Variants in NCK1 observed in about 807,000 individuals in gnomAD.
The protein encoded by NCK1 is SH2/SH3 adapter protein NCK1.
A neutral mutation model predicts 36.6 loss-of-function variants in NCK1; 19 were observed. The observed-to-expected ratio is 0.52, with a 90% CI of 0.36 to 0.76. The LOEUF (loss-of-function observed/expected upper bound fraction) is 0.76, where lower values mean the gene tolerates loss of function less well. Ranked by LOEUF, NCK1 falls within the 30% of genes least tolerant of loss-of-function variation. The probability of loss-of-function intolerance (pLI) is 0.00; values close to 1 mark genes in which losing one functional copy is unlikely to be tolerated. For synonymous variants in NCK1, 165 were observed against 156.0 expected (o/e 1.06, Z -0.43); for missense variants, 358 against 445.6 (o/e 0.80, Z 1.77).
At chr3:136,914,349 TTCAGGCCCTTTCCC>T (rs1015069689) in intron 1 of NCK1, among the ~76,000 whole-genome samples, 2 of 152,180 alleles carry the variant, frequency 1.3e-5, no homozygotes, top group Non-Finnish European at 2.9e-5. Context: ...GCAGTTTATT[TTCAGGCCCTTTCCC>T]TGGAACTTGC....
intron 1 of NCK1, among the ~76,000 whole-genome samples, chr3:136,876,644 A>C (rs1938781410): frequency 6.6e-6 from 1 of 151,614 alleles, no homozygotes; most frequent in African/African-American, 2.4e-5. Context: ...TCTTTAATAG[A>C]GCTGTTTCTA....
intron 1 of NCK1, among the ~76,000 whole-genome samples, chr3:136,926,588 T>C (rs1576982077): frequency 6.6e-6 from 1 of 152,266 alleles, no homozygotes. Context: ...CTTTTTGTTT[T>C]TTAATGTTAC....
intron 1 of NCK1, among the ~76,000 whole-genome samples, chr3:136,920,224 T>C (rs752025317): frequency 6.6e-6 from 1 of 152,150 alleles, no homozygotes; most frequent in Non-Finnish European, 1.5e-5. Context: ...AAATAAAGGC[T>C]ACTTAAAAAT....
Position 136,945,862 on chromosome 3 carries a change from G to T in NCK1, c.506G>T (p.Gly169Val), listed in dbSNP as rs1940803236. Residue 169 changes from glycine to valine, a missense_variant, in exon 3 of 4, where the codon GGT becomes GTT. By Grantham distance (109) the Gly-to-Val change is moderately radical. Around this residue, in one of 3 missense-constraint regions of NCK1, gnomAD observed 207 missense variants for 253.4 expected, o/e 0.82. Transcript: ENST00000481752. ...ACTGAAGAAGGTGACAGTCCTTTGG[G>T]TGACCATGTGGGTTCTCTGTCAGAG... ...YVTEEGDSPL[G>V]DHVGSLSEKL... is the part of the protein sequence containing the mutation. The T allele has an allele frequency of 1.9e-6, 3 of 1,614,036 alleles. No homozygotes were observed. The highest frequency in any genetic ancestry group is 2.5e-6 in the Non-Finnish European group (3 of 1,180,026).
At chr3:136,945,124 A>G (rs1235397988) in intron 2 of NCK1, among the ~76,000 whole-genome samples, 3 of 152,262 alleles carry the variant, frequency 2.0e-5, no homozygotes, top group East Asian at 1.9e-4. Context: ...TTTATATTGC[A>G]TATCATATTC....
At chr3:136,916,679 A>C (rs1939972605) in intron 1 of NCK1, among the ~76,000 whole-genome samples, 1 of 152,230 alleles carries the variant, frequency 6.6e-6, no homozygotes, top group Non-Finnish European at 1.5e-5. Flanking sequence ...ACTGAAATAT[A>C]ATAATTAGAT....
At chr3:136,889,044 A>ATTTTTTTTTTTTTTTTTTTTTTTTTT (rs58385753) in intron 1 of NCK1, 1 of 91,196 alleles carries the variant, frequency 1.1e-5, no homozygotes, top group Non-Finnish European at 2.0e-5. Context: ...TAATTTTTTG[A>ATTTTTTTTTTTTTTTTTTTTTTTTTT]TTTTTTTTTT....
At chr3:136,901,074 A>G (rs942950794) in intron 1 of NCK1, among the ~76,000 whole-genome samples, 22 of 152,102 alleles carry the variant, frequency 1.4e-4, no homozygotes, top group African/African-American at 4.3e-4. Context: ...ATGTTGAAGT[A>G]TGTTTCTTTT....
intron 1 of NCK1, among the ~76,000 whole-genome samples, chr3:136,887,787 G>GT (rs1229709617): frequency 2.6e-5 from 4 of 152,206 alleles, no homozygotes; most frequent in African/African-American, 9.6e-5. Flanking sequence ...CAGCAACCCT[G>GT]TAGGTAGGTG....
intron 1 of NCK1, among the ~76,000 whole-genome samples, chr3:136,878,579 T>A (rs1001837988): frequency 2.6e-5 from 4 of 152,102 alleles, no homozygotes; most frequent in Non-Finnish European, 5.9e-5. Flanking sequence ...GAGTTTCTTT[T>A]TGGGGTGACA....
chr3:136,867,069 TTTC>T (rs1938439632), intron 1 of NCK1, among the ~76,000 whole-genome samples: 6 of 270 alleles, frequency 0.022, no homozygotes, highest in Non-Finnish European at 0.029. Flanking sequence ...TCTTTCTTTC[TTTC>T]TTTCTTTCTT....
intron 1 of NCK1, among the ~76,000 whole-genome samples, chr3:136,923,269 G>C (rs1940158596): frequency 1.3e-5 from 2 of 150,840 alleles, no homozygotes; most frequent in East Asian, 3.9e-4. Flanking sequence ...ATAAATAGCT[G>C]TCCAGGCCGG....
intron 1 of NCK1, among the ~76,000 whole-genome samples, chr3:136,925,679 C>T (rs1281701488): frequency 8.6e-5 from 13 of 151,998 alleles, no homozygotes; most frequent in Admixed American, 7.9e-4. Context: ...TCATCCAGGT[C>T]GTTTTGTGCA....
At chr3:136,887,025 G>T (rs1939092062) in intron 1 of NCK1, among the ~76,000 whole-genome samples, 1 of 152,008 alleles carries the variant, frequency 6.6e-6, no homozygotes, top group African/African-American at 2.4e-5. Flanking sequence ...TGTGTTATTA[G>T]TAGAGACGGG....
At chr3:136,901,324 C>T (rs1939535529) in intron 1 of NCK1, among the ~76,000 whole-genome samples, 1 of 144,348 alleles carries the variant, frequency 6.9e-6, no homozygotes, top group Non-Finnish European at 1.5e-5. Flanking sequence ...GAATTTTTAT[C>T]TCTGTGTTCA....
intron 1 of NCK1, among the ~76,000 whole-genome samples, chr3:136,913,609 C>T (rs1383223804): frequency 6.6e-6 from 1 of 152,184 alleles, no homozygotes; most frequent in Non-Finnish European, 1.5e-5. Flanking sequence ...CAGATCTTTT[C>T]TGAGCCTTTG....
intron 2 of NCK1, among the ~76,000 whole-genome samples, chr3:136,935,783 A>G (rs1041145108): frequency 1.7e-4 from 26 of 152,188 alleles, no homozygotes; most frequent in African/African-American, 6.3e-4. Context: ...GAGTACATTA[A>G]CAGTGTTGTG....
intron 1 of NCK1, among the ~76,000 whole-genome samples, chr3:136,881,127 A>G (rs189941771): frequency 5.3e-5 from 8 of 152,160 alleles, no homozygotes; most frequent in Non-Finnish European, 1.2e-4. Flanking sequence ...TCTACCTCCA[A>G]ATACATCTTG....
At chr3:136,937,461 T>A (rs548668456) in intron 2 of NCK1, among the ~76,000 whole-genome samples, 53 of 152,330 alleles carry the variant, frequency 3.5e-4, no homozygotes, top group African/African-American at 1.3e-3. Flanking sequence ...ACCTTGCAGT[T>A]CTGTGTGAAT....
Sources: allele counts gnomAD v4.1 joint callset (sites outside exome capture counted in the v4.1 genomes callset), GRCh38; gene constraint gnomAD v4.1.1; regional missense constraint gnomAD v4.1.1; transcripts MANE v1.5; gene names NCBI Gene and HGNC (gene_info 2026-07-23, HGNC 2026-07-21).